The following TBC1D5 variants were observed in gnomAD, a reference collection of about 807,000 sequenced individuals.
TBC1D5 encodes the protein TBC1 domain family, member 5.
TBC1D5 carries 75 observed loss-of-function variants against 100.3 expected under a neutral mutation model. The ratio of observed to expected loss-of-function variants is 0.75; its 90% CI spans 0.62 to 0.91. The LOEUF (loss-of-function observed/expected upper bound fraction) is 0.91. TBC1D5 is among the 40% of genes least tolerant of loss of function. The probability of loss-of-function intolerance (pLI) is 0.00; values close to 1 mark genes in which losing one functional copy is unlikely to be tolerated. For synonymous variants in TBC1D5, 323 were observed against 325.6 expected, an observed-to-expected ratio of 0.99 and a Z score of 0.09; for missense variants, 910 against 942.4, an observed-to-expected ratio of 0.97 and a Z score of 0.45.
intron 3 of TBC1D5, among the ~76,000 whole-genome samples, chr3:17,435,815 T>C (rs190802473): frequency 1.3e-5 from 2 of 152,294 alleles, no homozygotes; most frequent in Non-Finnish European, 2.9e-5. Context: ...TCCATGTGTA[T>C]TGGAGAGATG....
rs145441342 is a variant in TBC1D5, at chr3:17,243,971, A to G, written c.1332-5552T>C. ...AGCTGAAAACTATGCTGGAAGAGGAATGACTGCAAAACCCGAGGAGTAAGT... is the reference window on the plus strand; with the variant it reads ...AGCTGAAAACTATGCTGGAAGAGGAGTGACTGCAAAACCCGAGGAGTAAGT... On this transcript the variant is annotated intron_variant, in intron 16 of 21. Transcript: ENST00000253692. Among the ~76,000 whole-genome samples the G allele has an allele frequency of 1.2e-3, 184 of 152,324 alleles. 1 individual carries two copies. In the East Asian group the frequency reaches 0.032, roughly 26 times the overall value.
intron 2 of TBC1D5, among the ~76,000 whole-genome samples, chr3:17,534,146 C>T (rs983266525): frequency 6.6e-6 from 1 of 152,086 alleles, no homozygotes; most frequent in Non-Finnish European, 1.5e-5. Context: ...GCCCCTGTTC[C>T]AGAATTAGTA....
chr3:17,316,571 C>T (rs1275897334), intron 13 of TBC1D5, among the ~76,000 whole-genome samples: 1 of 152,180 alleles, frequency 6.6e-6, no homozygotes, highest in Non-Finnish European at 1.5e-5. Flanking sequence ...AAGTTATATT[C>T]TACTAAAAGG....
At position 17,399,492 on chromosome 3, in the gene TBC1D5, C is replaced by A. The variant is rs557709755; in HGVS notation, c.509+3689G>T. ...CATATCCCCAACCCATCTACCTACTCCTGTCTTTATTACTACATTTTTAGT... is the reference window on the plus strand; with the variant it reads ...CATATCCCCAACCCATCTACCTACTACTGTCTTTATTACTACATTTTTAGT... On this transcript the variant is annotated intron_variant, in intron 8 of 21. Coordinates refer to ENST00000253692, the Ensembl canonical transcript of TBC1D5. Among the ~76,000 whole-genome samples, 16 of 152,216 alleles carry A rather than the reference C, an allele frequency of 1.1e-4. No individual in the cohort carries two copies. In the South Asian group the frequency reaches 3.3e-3, roughly 32 times the overall value.
chr3:17,515,522 A>G (rs2095973873), intron 2 of TBC1D5, among the ~76,000 whole-genome samples: 1 of 152,208 alleles, frequency 6.6e-6, no homozygotes, highest in Admixed American at 6.5e-5. Context: ...CACCTTTTAC[A>G]GATAAGGAAA....
At chr3:17,500,971 G>A (rs1023952741) in intron 3 of TBC1D5, among the ~76,000 whole-genome samples, 1 of 149,194 alleles carries the variant, frequency 6.7e-6, no homozygotes, top group Non-Finnish European at 1.5e-5. Context: ...TTTGCTCTCG[G>A]ATGTCACTTT....
chr3:17,698,932 T>A lies in TBC1D5; in HGVS notation c.-101+40411A>T, dbSNP rs1352493252. On this transcript the variant is annotated intron_variant, in intron 1 of 21. Transcript: ENST00000253692. Reference sequence around the variant, plus strand: ...GGATGTGGAGAAATAGGAACACTTTTACACTGTTGGTGGGACTGTAAACTA... The same window carrying A: ...GGATGTGGAGAAATAGGAACACTTTAACACTGTTGGTGGGACTGTAAACTA... 1.1e-3 allele frequency among the ~76,000 whole-genome samples: 152 copies of A among 140,788 alleles called. 1 individual carries two copies. The highest frequency in any genetic ancestry group is 3.6e-3 in the African/African-American group (138 of 38,844). 92.4% of individuals were successfully genotyped at this position (140,788 alleles called of 152,430 possible).
At chr3:17,582,767 TAC>T (rs1054788069) in intron 2 of TBC1D5, among the ~76,000 whole-genome samples, 3 of 143,238 alleles carry the variant, frequency 2.1e-5, no homozygotes, top group African/African-American at 7.7e-5. Flanking sequence ...TTAAAAAAAC[TAC>T]ACAGATACCA....
At chr3:17,523,462 A>C (rs1490510299) in intron 2 of TBC1D5, among the ~76,000 whole-genome samples, 17 of 152,166 alleles carry the variant, frequency 1.1e-4, no homozygotes, top group Non-Finnish European at 5.9e-5. Flanking sequence ...AGGGGTCTCA[A>C]AAGACTTTAT....
At chr3:17,298,836 T>C (rs1006740996) in intron 14 of TBC1D5, among the ~76,000 whole-genome samples, 1 of 152,128 alleles carries the variant, frequency 6.6e-6, no homozygotes, top group Non-Finnish European at 1.5e-5. Flanking sequence ...AAAAGATCAG[T>C]AGTTTCCAGG....
chr3:17,208,270 T>C (rs1358207107), intron 18 of TBC1D5, among the ~76,000 whole-genome samples: 1 of 152,244 alleles, frequency 6.6e-6, no homozygotes, highest in Admixed American at 6.5e-5. Flanking sequence ...CAAAAGCTGA[T>C]TTCTCACTCA....
chr3:17,258,515 T>A, exon 16 of TBC1D5: 1 of 1,612,308 alleles, frequency 6.2e-7, no homozygotes, highest in Non-Finnish European at 8.5e-7. Context: ...CCGGCTTTTA[T>A]TCATGAGGTC....
intron 3 of TBC1D5, among the ~76,000 whole-genome samples, chr3:17,443,536 G>T (rs1359869268): frequency 6.6e-6 from 1 of 152,144 alleles, no homozygotes; most frequent in Non-Finnish European, 1.5e-5. Context: ...AGGCTGAGTG[G>T]AGTACTTCCC....
At chr3:17,295,114 T>C (rs17043318) in intron 14 of TBC1D5, among the ~76,000 whole-genome samples, 1,807 of 152,342 alleles carry the variant, frequency 0.012, 29 homozygotes, top group African/African-American at 0.041. Flanking sequence ...ATGAAGTATG[T>C]TTATGCTTTA....
intron 13 of TBC1D5, among the ~76,000 whole-genome samples, chr3:17,332,788 G>C (rs774086721): frequency 6.6e-6 from 1 of 152,148 alleles, no homozygotes; most frequent in Admixed American, 6.5e-5. Flanking sequence ...ATTGATAACT[G>C]CATATAGTAA....
At chr3:17,175,134 T>C (rs1366063827) in intron 19 of TBC1D5, among the ~76,000 whole-genome samples, 1 of 152,234 alleles carries the variant, frequency 6.6e-6, no homozygotes, top group Non-Finnish European at 1.5e-5. Flanking sequence ...GTTAATTTTC[T>C]TAAAAAGCAA....
At chr3:17,609,938 A>C (rs1161865542) in intron 2 of TBC1D5, among the ~76,000 whole-genome samples, 1 of 152,188 alleles carries the variant, frequency 6.6e-6, no homozygotes, top group Non-Finnish European at 1.5e-5. Flanking sequence ...CAAACAACTC[A>C]TTATCTTTCC....
intron 2 of TBC1D5, among the ~76,000 whole-genome samples, chr3:17,597,621 A>C (rs2060654511): frequency 6.6e-6 from 1 of 152,212 alleles, no homozygotes; most frequent in African/African-American, 2.4e-5. Flanking sequence ...TAATGACATA[A>C]GTCTGTCCCT....
exon 4 of TBC1D5, chr3:17,428,516 T>C: frequency 6.7e-7 from 1 of 1,492,148 alleles, no homozygotes; most frequent in Non-Finnish European, 8.9e-7. Flanking sequence ...TTTATTTGAA[T>C]CTCCTGGAGA....
Sources: gnomAD v4.1 joint callset for allele counts (sites outside exome capture counted in the v4.1 genomes callset) on GRCh38, gnomAD v4.1.1 for gene constraint, MANE v1.5 for transcripts, NCBI Gene and HGNC (gene_info 2026-07-23, HGNC 2026-07-21) for gene names.